The following RBFOX1 variants were observed in gnomAD, a reference collection of about 807,000 sequenced individuals.
The protein encoded by RBFOX1 is RNA binding fox-1 homolog 1, also known as RNA binding protein fox-1 homolog 1.
RBFOX1 carries 8 observed loss-of-function variants against 57.7 expected under a neutral mutation model. The observed-to-expected ratio is 0.14, with a 90% CI of 0.08 to 0.25. The LOEUF (loss-of-function observed/expected upper bound fraction) is 0.25. Ranked by LOEUF, RBFOX1 falls within the 10% of genes least tolerant of loss-of-function variation. RBFOX1 has a pLI of 1.00. For missense variants in RBFOX1, 611 were observed against 548.5 expected, an observed-to-expected ratio of 1.11 and a Z score of -1.14; for synonymous variants, 326 against 222.4, an observed-to-expected ratio of 1.47 and a Z score of -4.15.
chr16:6,692,090 T>A (rs1405807686), intron 3 of RBFOX1, among the ~76,000 whole-genome samples: 2 of 152,244 alleles, frequency 1.3e-5, no homozygotes, highest in African/African-American at 2.4e-5. Context: ...AACTGCAAGA[T>A]AATAAACGAG....
chr16:6,999,229 AT>A (rs1208010446), intron 3 of RBFOX1, among the ~76,000 whole-genome samples: 7 of 66,788 alleles, frequency 1.0e-4, no homozygotes, highest in Admixed American at 3.1e-4. Flanking sequence ...TTTTTTATTT[AT>A]TTTTTTTTTT....
chr16:6,999,886 A>G (rs2092632069), intron 3 of RBFOX1, among the ~76,000 whole-genome samples: 1 of 152,026 alleles, frequency 6.6e-6, no homozygotes, highest in Admixed American at 6.6e-5. Flanking sequence ...AGCCTGAGCA[A>G]CATGGTGAAA....
At chr16:6,497,080 A>G (rs1282659553) in intron 2 of RBFOX1, among the ~76,000 whole-genome samples, 1 of 152,232 alleles carries the variant, frequency 6.6e-6, no homozygotes, top group East Asian at 1.9e-4. Flanking sequence ...ATAAGAAGTC[A>G]TTGTCTCCAT....
chr16:5,385,905 G>T, intron 1 of RBFOX1, among the ~76,000 whole-genome samples: 1 of 152,160 alleles, frequency 6.6e-6, no homozygotes, highest in Admixed American at 6.5e-5. Flanking sequence ...ACAAGTGGGG[G>T]CAGGAGTGTG....
chr16:6,854,748 T>A lies in RBFOX1; in HGVS notation c.-15-197309T>A, dbSNP rs987680531. Among the ~76,000 whole-genome samples, 7 of 151,814 alleles carry A rather than the reference T, an allele frequency of 4.6e-5. No individual in the cohort carries two copies. In the South Asian group the frequency reaches 1.5e-3, roughly 32 times the overall value. On this transcript the variant is annotated intron_variant, in intron 3 of 15. Transcript: ENST00000550418. ...TAGCTGGAACTACAGGCGCCTGCCA[T>A]TGCGCCCGGCTAATTTTTTGTATTT...
At chr16:7,014,510 G>A (rs2093809178) in intron 3 of RBFOX1, among the ~76,000 whole-genome samples, 1 of 151,882 alleles carries the variant, frequency 6.6e-6, no homozygotes, top group African/African-American at 2.4e-5. Flanking sequence ...CACAGTGCTA[G>A]GATTACAGTG....
At chr16:5,535,788 T>G (rs1412737710) in intron 2 of RBFOX1, among the ~76,000 whole-genome samples, 3 of 152,224 alleles carry the variant, frequency 2.0e-5, no homozygotes, top group Admixed American at 2.0e-4. Context: ...GCATCTCTTA[T>G]GTATGTCACC....
At position 5,257,089 on chromosome 16, in the gene RBFOX1, C is replaced by A. The variant is rs547691848; in HGVS notation, c.219+16984C>A. ...CTCCAGACTCTGGTCTCCCTGTTTA[C>A]AGGGTCTTAAATGGGGGAGCCACTT... is the stretch of plus-strand genomic sequence containing the variant. On this transcript the variant is annotated intron_variant, in intron 1 of 2. Coordinates refer to the RBFOX1 transcript ENST00000585867. 1.2e-3 allele frequency among the ~76,000 whole-genome samples: 189 copies of A among 151,580 alleles called. 1 individual carries two copies. Among genetic ancestry groups the A allele is most frequent in the African/African-American group, 4.1e-3 (170 of 41,202 alleles).
chr16:6,843,617 A>T (rs528169796), intron 3 of RBFOX1, among the ~76,000 whole-genome samples: 1 of 152,174 alleles, frequency 6.6e-6, no homozygotes, highest in Admixed American at 6.5e-5. Context: ...TGAACCCAGG[A>T]GGTGGAGCTT....
At chr16:5,974,097 G>C (rs1378929432) in intron 4 of RBFOX1, among the ~76,000 whole-genome samples, 1 of 152,194 alleles carries the variant, frequency 6.6e-6, no homozygotes, top group Non-Finnish European at 1.5e-5. Context: ...AATGTAGAGT[G>C]CTCAGCCCAG....
Position 7,215,166 on chromosome 16 carries a change from T to C in RBFOX1, c.27+163068T>C, listed in dbSNP as rs187991904. Among the ~76,000 whole-genome samples, 7 of 152,308 alleles carry C rather than the reference T, an allele frequency of 4.6e-5. No homozygotes were observed. In the East Asian group the frequency reaches 1.2e-3, roughly 25 times the overall value. On this transcript the variant is annotated intron_variant, in intron 4 of 15. Transcript: ENST00000550418. ...GAGTGAGAACATGTGGTGTTTGGTT[T>C]TCTGTTCCTGTGTTAGTTTGCTGAG... is the stretch of plus-strand genomic sequence containing the variant.
intron 14 of RBFOX1, among the ~76,000 whole-genome samples, chr16:7,681,159 T>G (rs1017780610): frequency 4.6e-5 from 7 of 152,166 alleles, no homozygotes; most frequent in African/African-American, 1.4e-4. Flanking sequence ...TAGTCTTATT[T>G]TAAAATTATT....
intron 4 of RBFOX1, among the ~76,000 whole-genome samples, chr16:7,497,900 G>T (rs999027039): frequency 6.6e-6 from 1 of 152,186 alleles, no homozygotes; most frequent in Non-Finnish European, 1.5e-5. Context: ...TATTTGTAGA[G>T]AGTTTATTTC....
At chr16:5,941,815 G>A (rs1375564034) in intron 4 of RBFOX1, among the ~76,000 whole-genome samples, 13 of 151,924 alleles carry the variant, frequency 8.6e-5, no homozygotes, top group East Asian at 1.9e-4. Context: ...GTCTTGCTCC[G>A]TGCGAAATAG....
At chr16:6,711,092 T>C (rs1853606490) in intron 3 of RBFOX1, among the ~76,000 whole-genome samples, 1 of 152,192 alleles carries the variant, frequency 6.6e-6, no homozygotes, top group Non-Finnish European at 1.5e-5. Flanking sequence ...TCTTGACACT[T>C]CTGTTTCTCA....
At chr16:7,616,436 G>C (rs932348796) in intron 10 of RBFOX1, among the ~76,000 whole-genome samples, 1 of 152,238 alleles carries the variant, frequency 6.6e-6, no homozygotes, top group African/African-American at 2.4e-5. Context: ...CTGCATGACT[G>C]ACCAACTCTC....
chr16:6,534,618 G>A (rs188218390), intron 2 of RBFOX1, among the ~76,000 whole-genome samples: 2 of 152,180 alleles, frequency 1.3e-5, no homozygotes, highest in East Asian at 3.9e-4. Flanking sequence ...TACACTAATC[G>A]TCACAAGACC....
intron 1 of RBFOX1, among the ~76,000 whole-genome samples, chr16:6,041,415 T>G (rs1267604527): frequency 1.3e-5 from 2 of 152,162 alleles, no homozygotes; most frequent in Non-Finnish European, 1.5e-5. Context: ...AGACTAGAAG[T>G]CCAAGCATTC....
At chr16:6,494,648 A>C (rs1165331621) in intron 2 of RBFOX1, among the ~76,000 whole-genome samples, 2 of 152,210 alleles carry the variant, frequency 1.3e-5, no homozygotes, top group African/African-American at 4.8e-5. Flanking sequence ...ATTTGTGGAC[A>C]GGTTTTTGCG....
Sources: gnomAD v4.1 joint callset for allele counts (sites outside exome capture counted in the v4.1 genomes callset) on GRCh38, gnomAD v4.1.1 for gene constraint, MANE v1.5 for transcripts, NCBI Gene and HGNC (gene_info 2026-07-23, HGNC 2026-07-21) for gene names.